PPARD: variants seen among roughly 807,000 people sequenced by gnomAD.
PPARD encodes the protein peroxisome proliferator activated receptor delta, also known as peroxisome proliferator-activated receptor delta.
A neutral mutation model predicts 39.5 loss-of-function variants in PPARD; 6 were observed. The ratio of observed to expected loss-of-function variants is 0.15; its 90% CI spans 0.08 to 0.30. PPARD has a LOEUF of 0.30. Ranked by LOEUF, PPARD falls within the 10% of genes least tolerant of loss-of-function variation. The pLI is 1.00. For synonymous variants in PPARD, 210 were observed against 231.3 expected, an observed-to-expected ratio of 0.91 and a Z score of 0.83; for missense variants, 397 against 596.8, an observed-to-expected ratio of 0.67 and a Z score of 3.49.
rs570240230 is a variant in PPARD, at chr6:35,356,890, G to T, written c.-102+9740G>T. 3.3e-5 allele frequency among the ~76,000 whole-genome samples: 5 copies of T among 152,336 alleles called. No individual in the cohort carries two copies. The South Asian group carries it at 1.0e-3, about 32-fold the overall frequency. ...TTACATTAGAAGTTTACTCTCTTCA[G>T]TTATCTCACTGGGCCCTTGAGGGCT... On this transcript the variant is annotated intron_variant, in intron 2 of 7. Transcript: ENST00000360694.
Position 35,414,124 on chromosome 6 carries a change from G to A in PPARD, c.130+2907G>A, listed in dbSNP as rs570553366. On this transcript the variant is annotated intron_variant, in intron 3 of 7. Transcript: ENST00000360694. ...CAAAAATAGGAACGTGCCCATCTGTGGGGAACTGGTTATGTAAACTGTGGT... is the reference window on the plus strand; with the variant it reads ...CAAAAATAGGAACGTGCCCATCTGTAGGGAACTGGTTATGTAAACTGTGGT... Among the ~76,000 whole-genome samples, 3 of 152,260 alleles carry A rather than the reference G, an allele frequency of 2.0e-5. No individual in the cohort carries two copies. The South Asian group carries it at 6.2e-4, about 32-fold the overall frequency.
chr6:35,426,385 T>G lies in PPARD; in HGVS notation c.*306T>G. 2.3e-6 allele frequency: 1 copy of G among 442,046 alleles called. No individual in the cohort carries two copies. 27.4% of individuals were successfully genotyped at this position (442,046 alleles called of 1,614,324 possible). A position where few individuals can be genotyped will look rare whatever the true frequency, so the allele number is the denominator to read the frequency against. On this transcript the variant is annotated 3_prime_UTR_variant, in exon 8 of 8. Coordinates refer to ENST00000360694, the MANE Select transcript of PPARD (RefSeq NM_006238.5). ...TCTTCCCTTCTCCCTTGCCCTCCCT[T>G]TCTCTCTCCACCCCCCACGTCTGTC...
rs1289158220 is a variant in PPARD at position 35,427,803 on chromosome 6, G to GT, written c.*1725dup. 2.0e-5 allele frequency: 3 copies of GT among 152,716 alleles called. No individual in the cohort carries two copies. In the East Asian group the frequency reaches 5.8e-4, roughly 29 times the overall value. The allele number at this position is 152,716 out of a possible 1,614,324, so 9.5% of individuals were successfully genotyped here. On this transcript the variant is annotated 3_prime_UTR_variant, in exon 8 of 8. Coordinates refer to ENST00000360694, the MANE Select transcript of PPARD (RefSeq NM_006238.5). ...CCTCCCTCCCAAGGAGCCATTCTGT[G>GT]TGTGACTCTGGGTGGAAGTGCCCAG...
Position 35,421,937 on chromosome 6 carries a change from G to T in PPARD, c.403G>T (p.Ala135Ser). ...CQYCRFQKCL[A>S]LGMSHNAIRF... ...GTACTGCCGCTTCCAGAAGTGCCTG[G>T]CACTGGGCATGTCACACAACGGTGA... is the stretch of plus-strand genomic sequence containing the variant. The change falls in exon 5 of 8, where the codon GCA (alanine) becomes TCA (serine). Residue 135 changes from alanine (A) to serine (S), a missense_variant. By Grantham distance (99) the Ala-to-Ser change is moderately conservative. Coordinates refer to ENST00000360694, the MANE Select transcript of PPARD (RefSeq NM_006238.5). 1 of 1,613,038 alleles carries T rather than the reference G, an allele frequency of 6.2e-7. No individual in the cohort carries two copies. The highest frequency in any genetic ancestry group is 8.5e-7 in the Non-Finnish European group (1 of 1,179,474).
rs1213114079 is a variant in PPARD at position 35,363,983 on chromosome 6, T to C, written c.-102+16833T>C. 1.3e-5 allele frequency among the ~76,000 whole-genome samples: 2 copies of C among 151,192 alleles called. No homozygotes were observed. The highest frequency in any genetic ancestry group is 2.9e-5 in the Non-Finnish European group (2 of 67,882). On this transcript the variant is annotated intron_variant, in intron 2 of 7. Coordinates refer to ENST00000360694, the MANE Select transcript of PPARD (RefSeq NM_006238.5). The surrounding 1 kb of genome is among the most constrained non-coding windows in gnomAD (Gnocchi z 4.5). The stretch of plus-strand genomic sequence containing the variant: ...TTTATATATTATTTTAGCTGTGTTG[T>C]TTATATATTATATTAACTGTGTTCT...
chr6:35,357,751 G>T (rs759151592), intron 2 of PPARD, among the ~76,000 whole-genome samples: 1 of 151,884 alleles, frequency 6.6e-6, no homozygotes, highest in Non-Finnish European at 1.5e-5. Context: ...TGGCCAGGCT[G>T]GTCTCAAACT....
At chr6:35,343,256 C>T (rs542221411) in intron 1 of PPARD, among the ~76,000 whole-genome samples, 7 of 152,226 alleles carry the variant, frequency 4.6e-5, no homozygotes, top group Non-Finnish European at 1.0e-4. Context: ...TCTGATCCCT[C>T]CTAGTATTAT....
At chr6:35,393,914 A>C (rs1452745589) in intron 2 of PPARD, among the ~76,000 whole-genome samples, 1 of 152,160 alleles carries the variant, frequency 6.6e-6, no homozygotes, top group African/African-American at 2.4e-5. Context: ...TGTGAGATTG[A>C]GCAGCAGGAG....
At chr6:35,379,731 G>A (rs1019113235) in intron 2 of PPARD, among the ~76,000 whole-genome samples, 9 of 152,226 alleles carry the variant, frequency 5.9e-5, no homozygotes, top group Admixed American at 1.3e-4. Flanking sequence ...TGGACTATTC[G>A]TTTGTTTTTT....
intron 5 of PPARD, among the ~76,000 whole-genome samples, chr6:35,423,439 CAG>C (rs1319554629): frequency 1.3e-5 from 2 of 150,726 alleles, no homozygotes; most frequent in East Asian, 2.0e-4. Flanking sequence ...GAGGCTGAGA[CAG>C]AGAATTGCTT....
At chr6:35,423,094 G>A (rs1157320690) in intron 5 of PPARD, among the ~76,000 whole-genome samples, 2 of 148,540 alleles carry the variant, frequency 1.3e-5, no homozygotes, top group African/African-American at 5.0e-5. Flanking sequence ...AGCCAGGCTT[G>A]GTGGCGTGCA....
At chr6:35,398,431 G>T (rs904203504) in intron 2 of PPARD, among the ~76,000 whole-genome samples, 6 of 152,308 alleles carry the variant, frequency 3.9e-5, no homozygotes, top group East Asian at 1.9e-4. Context: ...ACCATGGGGG[G>T]AAGGTAAAGG....
At position 35,425,045 on chromosome 6, in the gene PPARD, G is replaced by A. The variant is rs1766479297; in HGVS notation, c.1078+266G>A. 1.6e-6 allele frequency: 2 copies of A among 1,264,458 alleles called. No homozygotes were observed. The highest frequency in any genetic ancestry group is 3.0e-5 in the African/African-American group (2 of 66,576). 78.3% of individuals were successfully genotyped at this position (1,264,458 alleles called of 1,614,324 possible). ...CCCAGCACTTTGGCAGGCCGAGGCG[G>A]GTGGATCACTTGAGGTCAGGAGTTC... On this transcript the variant is annotated intron_variant, in intron 7 of 7. Transcript: ENST00000360694. This position sits in a 1 kb window ranked among gnomAD's most constrained non-coding sequence, Gnocchi z 4.5.
chr6:35,426,082 G>T lies in PPARD; in HGVS notation c.*3G>T. On this transcript the variant is annotated 3_prime_UTR_variant, in exon 8 of 8. Transcript: ENST00000360694. ...AGATCTACAAGGACATGTACTAACG[G>T]CGGCACCCAGGCCTCCCTGCAGACT... The T allele has an allele frequency of 6.2e-7, 1 of 1,609,688 alleles. No individual in the cohort carries two copies. The highest frequency in any genetic ancestry group is 8.5e-7 in the Non-Finnish European group (1 of 1,179,500).
chr6:35,379,913 C>T (rs924430036), intron 2 of PPARD, among the ~76,000 whole-genome samples: 3 of 152,230 alleles, frequency 2.0e-5, no homozygotes, highest in African/African-American at 7.2e-5. Context: ...ATCTGCTAAT[C>T]TCCAAGGTCT....
chr6:35,394,062 A>G (rs1194241547), intron 2 of PPARD, among the ~76,000 whole-genome samples: 1 of 152,236 alleles, frequency 6.6e-6, no homozygotes, highest in East Asian at 1.9e-4. Flanking sequence ...TTTAAAAACA[A>G]TTTAAACTAC....
At chr6:35,344,259 A>T (rs1399683899) in intron 1 of PPARD, among the ~76,000 whole-genome samples, 1 of 151,888 alleles carries the variant, frequency 6.6e-6, no homozygotes, top group Non-Finnish European at 1.5e-5. Context: ...TTTCCTCTGT[A>T]TCCAGGAGGA....
At chr6:35,396,186 TAAGTA>T (rs1743852129) in intron 2 of PPARD, among the ~76,000 whole-genome samples, 6 of 152,084 alleles carry the variant, frequency 3.9e-5, no homozygotes, top group African/African-American at 9.6e-5. Flanking sequence ...TTGAAACTCT[TAAGTA>T]TTTTATTTCT....
At chr6:35,414,688 A>G (rs910303348) in intron 3 of PPARD, among the ~76,000 whole-genome samples, 1 of 152,152 alleles carries the variant, frequency 6.6e-6, no homozygotes, top group African/African-American at 2.4e-5. Flanking sequence ...TATGTGACAC[A>G]TCGCAGGTCT....
Sources: gnomAD v4.1 joint callset for allele counts (sites outside exome capture counted in the v4.1 genomes callset) on GRCh38, gnomAD v4.1.1 for gene constraint, Gnocchi (gnomAD v3.1) non-coding constraint, MANE v1.5 for transcripts, NCBI Gene and HGNC (gene_info 2026-07-23, HGNC 2026-07-21) for gene names.